The following TRPC5 variants were observed in gnomAD, a reference collection of about 807,000 sequenced individuals.
TRPC5 encodes short transient receptor potential channel 5.
In TRPC5, 9 loss-of-function variants were observed where a neutral mutation model predicts 56.5. The ratio of observed to expected loss-of-function variants is 0.16; its 90% confidence interval spans 0.10 to 0.28. The LOEUF (loss-of-function observed/expected upper bound fraction) is 0.28, where lower values mean the gene tolerates loss of function less well. TRPC5 is among the 10% of genes least tolerant of loss of function. The pLI, the probability that TRPC5 is intolerant of heterozygous loss-of-function variation, is 1.00. For missense variants in TRPC5, 469 were observed against 748.9 expected (o/e 0.63, Z 4.36); for synonymous variants, 282 against 278.5 (o/e 1.01, Z -0.13).
At chrX:111,815,413 T>TCA (rs1387897434) in intron 7 of TRPC5, among the ~76,000 whole-genome samples, 1 of 111,072 alleles carries the variant, frequency 9.0e-6, no homozygotes, top group Non-Finnish European at 1.9e-5. Context: ...AAACATGAAT[T>TCA]CAGAGTTTCT....
chrX:111,907,458 C>G (rs142173799), intron 3 of TRPC5, among the ~76,000 whole-genome samples: 2,572 of 109,502 alleles, frequency 0.023, 39 homozygotes, highest in Middle Eastern at 0.098. Flanking sequence ...AAACCTGTCT[C>G]TACTAAAAAT....
intron 7 of TRPC5, among the ~76,000 whole-genome samples, chrX:111,834,033 TGAG>T (rs1820485661): frequency 9.0e-6 from 1 of 111,449 alleles, no homozygotes; most frequent in South Asian, 3.8e-4. Context: ...CCTCAGGTAA[TGAG>T]GACTCCTTTG....
chrX:111,920,752 A>G (rs1926106362), intron 2 of TRPC5, among the ~76,000 whole-genome samples: 1 of 111,922 alleles, frequency 8.9e-6, no homozygotes. Flanking sequence ...CTAGGCTGGT[A>G]GGGACTTAAG....
chrX:111,939,463 G>A (rs956254377), intron 2 of TRPC5, among the ~76,000 whole-genome samples: 2 of 111,576 alleles, frequency 1.8e-5, no homozygotes, highest in Non-Finnish European at 3.8e-5. Context: ...GTTTGAGTAG[G>A]ATTGGGATTA....
intron 4 of TRPC5, 122 bp from the exon 5 acceptor site, chrX:111,852,559 G>A: frequency 1.3e-6 from 1 of 764,744 alleles, no homozygotes. Context: ...TCAGTGGAGT[G>A]AAGCCTTGAG....
At position 111,805,360 on chromosome X, in the gene TRPC5, C is replaced by T. The variant is rs182328158; in HGVS notation, c.1897-23222G>A. 2.6e-4 allele frequency among the ~76,000 whole-genome samples: 29 copies of T among 111,165 alleles called. No homozygotes were observed. In the Admixed American group the frequency reaches 2.8e-3, roughly 11 times the overall value. On this transcript the variant is annotated intron_variant, in intron 7 of 10. Transcript: ENST00000262839. ...GGCTTTGGTATCAATATGATGTTGG[C>T]CTCATAAAATGAGTTAGGGAGGATT...
intron 7 of TRPC5, among the ~76,000 whole-genome samples, chrX:111,789,734 A>G (rs1341843590): frequency 8.9e-6 from 1 of 112,189 alleles, no homozygotes; most frequent in Admixed American, 9.4e-5. Context: ...AAGCAACCCC[A>G]TCAAAAATGG....
intron 1 of TRPC5, among the ~76,000 whole-genome samples, chrX:112,014,796 C>T (rs1281249968): frequency 9.0e-6 from 1 of 111,680 alleles, no homozygotes; most frequent in African/African-American, 3.3e-5. Flanking sequence ...ATGACATCCT[C>T]CCCTATATTT....
At chrX:111,810,239 G>A (rs1921661770) in intron 7 of TRPC5, among the ~76,000 whole-genome samples, 1 of 111,332 alleles carries the variant, frequency 9.0e-6, no homozygotes, top group Non-Finnish European at 1.9e-5. Context: ...TTTGTTAAAA[G>A]TGAGTTCTTG....
At chrX:112,081,490 G>A (rs1289354733) in intron 1 of TRPC5, among the ~76,000 whole-genome samples, 2 of 111,133 alleles carry the variant, frequency 1.8e-5, no homozygotes, top group Non-Finnish European at 3.8e-5. Flanking sequence ...TCCTTGGTCC[G>A]AGGGCCACAC....
At chrX:111,788,318 G>A (rs1945987064) in intron 7 of TRPC5, among the ~76,000 whole-genome samples, 1 of 111,567 alleles carries the variant, frequency 9.0e-6, no homozygotes, top group Non-Finnish European at 1.9e-5. Context: ...AAAACCACAT[G>A]ATTATCTCAA....
At position 111,776,892 on chromosome X, in the gene TRPC5, G is replaced by A. The variant is rs755306747; in HGVS notation, c.2343C>T (p.Asp781=). 32 of 1,209,414 alleles carry A rather than the reference G, an allele frequency of 2.6e-5. No individual in the cohort carries two copies. Among genetic ancestry groups the A allele is most frequent in the Middle Eastern group, 2.3e-4 (1 of 4,364 alleles). Residue 781 remains aspartate (D), a synonymous_variant, in exon 11 of 11, where the codon GAC becomes GAT. Transcript: ENST00000262839. The part of the protein sequence containing the change: ...STSSTELSQR[D]DNNDGSGGAR... ...CCCCACCACTGCCATCATTATTATC[G>A]TCTCTCTGAGACAGTTCAGTGCTGC...
chrX:111,993,384 T>C (rs1175712834), intron 1 of TRPC5, among the ~76,000 whole-genome samples: 1 of 111,972 alleles, frequency 8.9e-6, no homozygotes, highest in Non-Finnish European at 1.9e-5. Context: ...GTCTTTATAG[T>C]AGCATGATTT....
intron 1 of TRPC5, among the ~76,000 whole-genome samples, chrX:112,016,933 G>A (rs1276122199): frequency 1.2e-4 from 13 of 112,435 alleles, no homozygotes; most frequent in Non-Finnish European, 1.9e-4. Flanking sequence ...GGTAATCCGT[G>A]TAAAGCACTT....
intron 1 of TRPC5, among the ~76,000 whole-genome samples, chrX:112,071,453 A>G (rs1349123805): frequency 3.6e-5 from 4 of 111,961 alleles, no homozygotes; most frequent in Non-Finnish European, 5.6e-5. Context: ...TCAGTGGTAG[A>G]GTTGGGATTT....
At chrX:111,896,190 T>C in intron 3 of TRPC5, 1 of 111,143 alleles carries the variant, frequency 9.0e-6, no homozygotes. Context: ...TCATTTCTCC[T>C]TTCCTCAGGA....
rs746785594 is a variant in TRPC5 at position 111,776,746 on chromosome X, T to A, written c.2489A>T (p.Glu830Val). Residue 830 changes from glutamate (E) to valine (V), a missense_variant, in exon 11 of 11, where the codon GAG (glutamate) becomes GTG (valine). This residue lies in a region of TRPC5 where 194 missense variants were observed against 221.8 expected (regional missense o/e 0.87). Transcript: ENST00000262839. ...SSGAQGKSKAESSSKRSFMGP... is the reference protein window; with the variant it reads ...SSGAQGKSKAVSSSKRSFMGP... ...CATGAAGGAGCGTTTGCTTGATGAC[T>A]CAGCTTTTGACTTTCCTTGGGCACC... 1 of 1,211,403 alleles carries A rather than the reference T, an allele frequency of 8.3e-7. No homozygotes were observed. Among genetic ancestry groups the A allele is most frequent in the Non-Finnish European group, 1.1e-6 (1 of 895,331 alleles).
intron 1 of TRPC5, among the ~76,000 whole-genome samples, chrX:112,059,850 A>AT (rs759108173): frequency 8.9e-4 from 99 of 111,675 alleles, no homozygotes; most frequent in African/African-American, 2.7e-3. Context: ...AAACCATGCA[A>AT]TTTTTTTTAT....
intron 2 of TRPC5, among the ~76,000 whole-genome samples, chrX:111,927,748 G>A (rs752623212): frequency 1.2e-3 from 131 of 110,556 alleles, no homozygotes; most frequent in African/African-American, 4.2e-3. Flanking sequence ...TAAAAATTCC[G>A]TAAGTTATGG....
Sources: allele counts gnomAD v4.1 joint callset (sites outside exome capture counted in the v4.1 genomes callset), GRCh38; gene constraint gnomAD v4.1.1; regional missense constraint gnomAD v4.1.1; transcripts MANE v1.5; gene names NCBI Gene and HGNC (gene_info 2026-07-23, HGNC 2026-07-21).